Variants in UBE2D3 observed in about 807,000 individuals in gnomAD.
The protein encoded by UBE2D3 is ubiquitin conjugating enzyme E2 D3.
UBE2D3 carries 2 observed loss-of-function variants against 22.8 expected under a neutral mutation model. The ratio of observed to expected loss-of-function variants is 0.09; its 90% CI spans 0.04 to 0.28. The LOEUF (loss-of-function observed/expected upper bound fraction) is 0.28, where lower values mean the gene tolerates loss of function less well. UBE2D3 is among the 10% of genes least tolerant of loss of function. UBE2D3 has a pLI of 1.00. For synonymous variants in UBE2D3, 56 were observed against 60.4 expected, an observed-to-expected ratio of 0.93 and a Z score of 0.34; for missense variants, 27 against 182.5, an observed-to-expected ratio of 0.15 and a Z score of 4.91.
At chr4:102,839,512 A>G (rs1037694768) in intron 1 of UBE2D3, among the ~76,000 whole-genome samples, 2 of 152,208 alleles carry the variant, frequency 1.3e-5, no homozygotes, top group East Asian at 1.9e-4. Flanking sequence ...GGATCAAGCA[A>G]CCTGCCCGCC....
intron 2 of UBE2D3, among the ~76,000 whole-genome samples, chr4:102,822,853 G>A (rs1364191086): frequency 1.3e-5 from 2 of 149,614 alleles, no homozygotes; most frequent in Non-Finnish European, 3.0e-5. Context: ...GGAGAATGGC[G>A]TGAACCCAGA....
intron 1 of UBE2D3, among the ~76,000 whole-genome samples, chr4:102,864,286 T>C (rs1733043838): frequency 1.4e-5 from 1 of 70,618 alleles, no homozygotes; most frequent in Non-Finnish European, 2.7e-5. Flanking sequence ...AAGTAGACAG[T>C]AGTAGTGTTT....
chr4:102,834,261 C>G (rs2110348081), intron 1 of UBE2D3, among the ~76,000 whole-genome samples: 1 of 152,278 alleles, frequency 6.6e-6, no homozygotes, highest in Non-Finnish European at 1.5e-5. Flanking sequence ...AACAGATACA[C>G]ACTCTGTTAA....
intron 1 of UBE2D3, among the ~76,000 whole-genome samples, chr4:102,858,264 C>T (rs1339150306): frequency 6.6e-6 from 1 of 151,848 alleles, no homozygotes; most frequent in African/African-American, 2.4e-5. Flanking sequence ...TATCATACAG[C>T]TCAAAATGCT....
chr4:102,829,508 T>G (rs562342892), upstream of UBE2D3, among the ~76,000 whole-genome samples: 10 of 152,166 alleles, frequency 6.6e-5, no homozygotes, highest in Admixed American at 6.5e-4. Flanking sequence ...AAGTAAGTAA[T>G]AATGACTGTC....
chr4:102,849,836 A>G (rs987321719), intron 1 of UBE2D3, among the ~76,000 whole-genome samples: 2 of 152,182 alleles, frequency 1.3e-5, no homozygotes, highest in Admixed American at 6.5e-5. Context: ...GAGCAGTGAC[A>G]GGGGACGGGG....
intron 7 of UBE2D3, 38 bp downstream of exon 7, chr4:102,799,369 G>A (rs1194632182): frequency 2.2e-5 from 35 of 1,567,444 alleles, no homozygotes; most frequent in Non-Finnish European, 3.1e-5. Context: ...AACTCATTAA[G>A]TAAAACCACT....
Position 102,794,963 on chromosome 4 carries a change from G to A in UBE2D3, c.*2452C>T, listed in dbSNP as rs1242059379. 2 of 152,068 alleles carry A rather than the reference G, an allele frequency of 1.3e-5. No homozygotes were observed. The highest frequency in any genetic ancestry group is 4.8e-5 in the African/African-American group (2 of 41,448). 9.4% of individuals were successfully genotyped at this position (152,068 alleles called of 1,614,324 possible). A position where few individuals can be genotyped will look rare whatever the true frequency, so the allele number is the denominator to read the frequency against. On this transcript the variant is annotated 3_prime_UTR_variant, in exon 8 of 8. Coordinates refer to ENST00000453744, the MANE Select transcript of UBE2D3 (RefSeq NM_181891.3). ...CAGTTGGGTCCTATACATGGCACTA[G>A]TAATGTCAAATTACTGGGTGGAGTG...
chr4:102,818,216 T>C (rs1254196071), intron 2 of UBE2D3, among the ~76,000 whole-genome samples: 2 of 152,190 alleles, frequency 1.3e-5, no homozygotes, highest in Non-Finnish European at 2.9e-5. Flanking sequence ...ATCAAGCACA[T>C]ACAATCAGGG....
chr4:102,840,035 C>T (rs1010174825), intron 1 of UBE2D3, among the ~76,000 whole-genome samples: 1 of 152,142 alleles, frequency 6.6e-6, no homozygotes, highest in African/African-American at 2.4e-5. Flanking sequence ...TGTGTAATAT[C>T]ACTAATCATC....
At chr4:102,829,585 C>T (rs1430539463), upstream of UBE2D3, among the ~76,000 whole-genome samples, 1 of 152,196 alleles carries the variant, frequency 6.6e-6, no homozygotes, top group Non-Finnish European at 1.5e-5. Context: ...GGAGACTCTA[C>T]AGTGCTGTAT....
intron 2 of UBE2D3, among the ~76,000 whole-genome samples, chr4:102,815,394 A>G (rs1211271037): frequency 6.6e-6 from 1 of 152,202 alleles, no homozygotes; most frequent in Non-Finnish European, 1.5e-5. Flanking sequence ...CAATGTAATC[A>G]TGGTTGTTCT....
Position 102,820,731 on chromosome 4 carries a change from AAAAC to A in UBE2D3, c.24+5750_24+5753del, listed in dbSNP as rs530907791. Among the ~76,000 whole-genome samples, 432 of 152,214 alleles carry A rather than the reference AAAAC, an allele frequency of 2.8e-3. 1 individual carries two copies. The highest frequency in any genetic ancestry group is 3.9e-3 in the African/African-American group (162 of 41,492). On this transcript the variant is annotated intron_variant, in intron 2 of 7. Coordinates refer to ENST00000453744, the MANE Select transcript of UBE2D3 (RefSeq NM_181891.3). ...GTGTTTTATGGACATTAAAACAAAC[AAAAC>A]AAACAAACAAACAAAAAAAACAAAG...
chr4:102,848,246 C>T (rs1338153434), intron 1 of UBE2D3, among the ~76,000 whole-genome samples: 1 of 152,062 alleles, frequency 6.6e-6, no homozygotes, highest in Non-Finnish European at 1.5e-5. Flanking sequence ...CACAGTGACT[C>T]CTTCCTGTAA....
chr4:102,835,230 A>T (rs143365696), intron 1 of UBE2D3, among the ~76,000 whole-genome samples: 8 of 152,282 alleles, frequency 5.3e-5, no homozygotes, highest in Non-Finnish European at 8.8e-5. Flanking sequence ...TTAATTGCAT[A>T]TTTTCTGAAC....
At position 102,798,493 on chromosome 4, in the gene UBE2D3, T is replaced by A. The variant is rs142864334; in HGVS notation, c.398+914A>T. Reference sequence around the variant, plus strand: ...ATTTAGCATACAGGGAGCCACAAAGTACAGCTGACGCTAATGCATGCTTGT... The same window carrying A: ...ATTTAGCATACAGGGAGCCACAAAGAACAGCTGACGCTAATGCATGCTTGT... On this transcript the variant is annotated intron_variant, in intron 7 of 7. Coordinates refer to ENST00000453744, the MANE Select transcript of UBE2D3 (RefSeq NM_181891.3). 4.4e-3 allele frequency among the ~76,000 whole-genome samples: 660 copies of A among 151,666 alleles called. 1 individual carries two copies. The highest frequency in any genetic ancestry group is 0.02 in the Middle Eastern group (6 of 294).
At chr4:102,827,312 C>G (rs1730720848) in intron 1 of UBE2D3, 115 bp downstream of exon 1, 1 of 960,566 alleles carries the variant, frequency 1.0e-6, no homozygotes, top group Non-Finnish European at 1.2e-6. Context: ...CCCTAACCCA[C>G]CGCACCCAAT....
intron 1 of UBE2D3, among the ~76,000 whole-genome samples, chr4:102,836,704 C>T (rs567865518): frequency 6.6e-6 from 1 of 152,236 alleles, no homozygotes; most frequent in South Asian, 2.1e-4. Context: ...CAATTTTAGC[C>T]ATTGTAATAG....
intron 1 of UBE2D3, among the ~76,000 whole-genome samples, chr4:102,850,605 C>T (rs776828688): frequency 1.2e-4 from 19 of 152,108 alleles, no homozygotes; most frequent in Non-Finnish European, 2.5e-4. Context: ...CAATAAAGAG[C>T]AGAAGAGTGA....
Sources: allele counts gnomAD v4.1 joint callset (sites outside exome capture counted in the v4.1 genomes callset), GRCh38; gene constraint gnomAD v4.1.1; transcripts MANE v1.5; gene names NCBI Gene and HGNC (gene_info 2026-07-23, HGNC 2026-07-21).